PTPRD: variants seen among roughly 807,000 people sequenced by gnomAD.
PTPRD encodes protein tyrosine phosphatase receptor type D.
In PTPRD, 34 loss-of-function variants were observed where a neutral mutation model predicts 214.5. The ratio of observed to expected loss-of-function variants is 0.16; its 90% CI spans 0.12 to 0.21. The LOEUF (loss-of-function observed/expected upper bound fraction) is 0.21. Among genes scored for constraint, PTPRD ranks in the 10% least tolerant of loss-of-function variants. The pLI is 1.00. For missense variants in PTPRD, 2,545 were observed against 2,398.7 expected (o/e 1.06, Z -1.27); for synonymous variants, 1,128 against 845.7 (o/e 1.33, Z -5.79).
chr9:8,377,873 T>C (rs1288425508), intron 37 of PTPRD, among the ~76,000 whole-genome samples: 4 of 152,124 alleles, frequency 2.6e-5, no homozygotes, highest in African/African-American at 4.8e-5. Context: ...TGAATAATAC[T>C]GTAATTTTCT....
chr9:10,572,665 A>G (rs2067844394), intron 2 of PTPRD, among the ~76,000 whole-genome samples: 1 of 152,146 alleles, frequency 6.6e-6, no homozygotes, highest in African/African-American at 2.4e-5. Context: ...CAGAATAAGA[A>G]ATAAATCTTA....
chr9:8,897,455 T>C (rs1369191819), intron 11 of PTPRD, among the ~76,000 whole-genome samples: 1 of 152,170 alleles, frequency 6.6e-6, no homozygotes, highest in African/African-American at 2.4e-5. Flanking sequence ...TGAGGTAAGC[T>C]ACCACATAGT....
At chr9:8,385,220 G>A (rs954443542) in intron 37 of PTPRD, among the ~76,000 whole-genome samples, 47 of 152,264 alleles carry the variant, frequency 3.1e-4, no homozygotes, top group African/African-American at 1.1e-3. Context: ...CCTCAGACCT[G>A]AGCGACAGCT....
At chr9:8,591,321 T>C (rs2094089560) in intron 14 of PTPRD, among the ~76,000 whole-genome samples, 1 of 152,186 alleles carries the variant, frequency 6.6e-6, no homozygotes, top group Non-Finnish European at 1.5e-5. Flanking sequence ...TTATTTGGTC[T>C]ACCCACAACC....
At chr9:9,987,525 C>T (rs755821168) in intron 4 of PTPRD, among the ~76,000 whole-genome samples, 29 of 152,096 alleles carry the variant, frequency 1.9e-4, no homozygotes, top group Non-Finnish European at 4.0e-4. Flanking sequence ...GACCAATTCA[C>T]TATCACGAGA....
intron 14 of PTPRD, among the ~76,000 whole-genome samples, chr9:8,558,615 G>T (rs2084919195): frequency 6.6e-6 from 1 of 152,220 alleles, no homozygotes; most frequent in Non-Finnish European, 1.5e-5. Flanking sequence ...TGGCAGGCCA[G>T]ATGAAGCCTA....
intron 3 of PTPRD, among the ~76,000 whole-genome samples, chr9:10,143,812 CA>C (rs2099004277): frequency 6.6e-6 from 1 of 152,012 alleles, no homozygotes. Flanking sequence ...AGCAGAAAGC[CA>C]AATACCACAT....
chr9:8,594,858 C>T (rs1011626528), intron 14 of PTPRD, among the ~76,000 whole-genome samples: 1 of 140,688 alleles, frequency 7.1e-6, no homozygotes, highest in Non-Finnish European at 1.5e-5. Context: ...TATGTTTAAC[C>T]CCTTTTTTTT....
At chr9:8,730,237 C>T (rs2098641526) in intron 12 of PTPRD, among the ~76,000 whole-genome samples, 1 of 151,990 alleles carries the variant, frequency 6.6e-6, no homozygotes, top group Non-Finnish European at 1.5e-5. Context: ...GCCTAGGCGA[C>T]TGAGCGAGAC....
At chr9:9,618,037 A>T (rs897567589) in intron 7 of PTPRD, among the ~76,000 whole-genome samples, 24 of 123,568 alleles carry the variant, frequency 1.9e-4, no homozygotes, top group Admixed American at 3.2e-4. Context: ...GCGCCACTGC[A>T]CTCCAGCCTG....
intron 7 of PTPRD, among the ~76,000 whole-genome samples, chr9:9,672,762 G>A (rs575173980): frequency 6.6e-6 from 1 of 152,114 alleles, no homozygotes; most frequent in East Asian, 1.9e-4. Context: ...AAAAATTAGT[G>A]ATGTATGACT....
At chr9:8,717,568 A>C (rs2098450439) in intron 12 of PTPRD, among the ~76,000 whole-genome samples, 1 of 152,192 alleles carries the variant, frequency 6.6e-6, no homozygotes, top group African/African-American at 2.4e-5. Context: ...TCAGGCCACA[A>C]CACTTCCCAG....
At chr9:9,114,028 C>A (rs1391813769) in intron 10 of PTPRD, among the ~76,000 whole-genome samples, 1 of 151,980 alleles carries the variant, frequency 6.6e-6, no homozygotes, top group African/African-American at 2.4e-5. Flanking sequence ...CTGTTTCTGG[C>A]AAGTTGAATA....
At chr9:9,934,539 C>A (rs1404132621) in intron 5 of PTPRD, among the ~76,000 whole-genome samples, 1 of 151,190 alleles carries the variant, frequency 6.6e-6, no homozygotes, top group Non-Finnish European at 1.5e-5. Context: ...GAAGTTGAAT[C>A]TCTGAATAGA....
intron 14 of PTPRD, among the ~76,000 whole-genome samples, chr9:8,565,872 T>A (rs903488743): frequency 2.6e-5 from 4 of 152,150 alleles, no homozygotes; most frequent in Admixed American, 6.5e-5. Context: ...CATGGAATAT[T>A]ACAGAAATAG....
intron 10 of PTPRD, among the ~76,000 whole-genome samples, chr9:9,067,242 GACAA>G (rs1263569728): frequency 6.6e-6 from 1 of 151,988 alleles, no homozygotes; most frequent in Non-Finnish European, 1.5e-5. Flanking sequence ...AAAACAAACA[GACAA>G]ACAAACAAAC....
chr9:9,141,452 TA>T (rs1416405756), intron 10 of PTPRD, among the ~76,000 whole-genome samples: 1 of 152,086 alleles, frequency 6.6e-6, no homozygotes, highest in African/African-American at 2.4e-5. Flanking sequence ...GCTTCTGTTT[TA>T]TAGACAACCT....
At chr9:8,441,953 G>A (rs1245198008) in intron 34 of PTPRD, among the ~76,000 whole-genome samples, 2 of 152,090 alleles carry the variant, frequency 1.3e-5, no homozygotes, top group Non-Finnish European at 2.9e-5. Context: ...ACATAAAGCT[G>A]GGTCTTTAAG....
At chr9:10,329,081 CAT>C (rs1196774197) in intron 3 of PTPRD, among the ~76,000 whole-genome samples, 4 of 151,786 alleles carry the variant, frequency 2.6e-5, no homozygotes, top group Non-Finnish European at 5.9e-5. Flanking sequence ...CAGCTTAATA[CAT>C]TGGAAATTAT....
Sources: allele counts gnomAD v4.1 joint callset (sites outside exome capture counted in the v4.1 genomes callset), GRCh38; gene constraint gnomAD v4.1.1; transcripts MANE v1.5; gene names NCBI Gene and HGNC (gene_info 2026-07-23, HGNC 2026-07-21).